HS3ST4: variants seen among roughly 807,000 people sequenced by gnomAD.
The protein encoded by HS3ST4 is heparan sulfate-glucosamine 3-sulfotransferase 4.
HS3ST4 carries 17 observed loss-of-function variants against 29.2 expected under a neutral mutation model. The ratio of observed to expected loss-of-function variants is 0.58; its 90% CI spans 0.40 to 0.87. HS3ST4 has a LOEUF of 0.87. Ranked by LOEUF, HS3ST4 falls within the 40% of genes least tolerant of loss-of-function variation. The pLI is 0.00. For missense variants in HS3ST4, 627 were observed against 634.5 expected, an observed-to-expected ratio of 0.99 and a Z score of 0.13; for synonymous variants, 314 against 285.7, an observed-to-expected ratio of 1.10 and a Z score of -1.00.
chr16:25,719,428 A>G (rs1385772526), intron 1 of HS3ST4, among the ~76,000 whole-genome samples: 1 of 152,246 alleles, frequency 6.6e-6, no homozygotes, highest in Non-Finnish European at 1.5e-5. Context: ...CAATTTGAAT[A>G]CTTTTGGCTG....
chr16:25,739,781 C>T (rs1006585591), intron 1 of HS3ST4, among the ~76,000 whole-genome samples: 1 of 152,160 alleles, frequency 6.6e-6, no homozygotes, highest in African/African-American at 2.4e-5. Flanking sequence ...TCCACTTAAG[C>T]TTTCTTTGAG....
chr16:26,082,844 T>C (rs1242907164), intron 1 of HS3ST4, among the ~76,000 whole-genome samples: 1 of 152,202 alleles, frequency 6.6e-6, no homozygotes, highest in Non-Finnish European at 1.5e-5. Flanking sequence ...ACCAAGTGCA[T>C]TGTCCATGTT....
chr16:25,708,853 C>A (rs1966394476), intron 1 of HS3ST4, among the ~76,000 whole-genome samples: 1 of 152,150 alleles, frequency 6.6e-6, no homozygotes, highest in South Asian at 2.1e-4. Flanking sequence ...TCCCATCCTT[C>A]CATTTTTCAT....
At chr16:25,737,129 C>T (rs1365148215) in intron 1 of HS3ST4, among the ~76,000 whole-genome samples, 7 of 152,038 alleles carry the variant, frequency 4.6e-5, no homozygotes, top group Non-Finnish European at 4.4e-5. Flanking sequence ...AAAGAAAATG[C>T]GGTGCATGTG....
chr16:25,836,969 A>G (rs1967362811), intron 1 of HS3ST4, among the ~76,000 whole-genome samples: 1 of 152,204 alleles, frequency 6.6e-6, no homozygotes, highest in Non-Finnish European at 1.5e-5. Flanking sequence ...TCAGAGAGGC[A>G]TTGTTATGTG....
intron 1 of HS3ST4, among the ~76,000 whole-genome samples, chr16:25,880,066 G>A (rs9929100): frequency 0.27 from 41,570 of 151,990 alleles, 5,988 homozygotes; most frequent in African/African-American, 0.33. Context: ...GGATGGGGAC[G>A]CAGCCAAACC....
At chr16:25,712,452 T>C (rs1168512261) in intron 1 of HS3ST4, among the ~76,000 whole-genome samples, 4 of 152,030 alleles carry the variant, frequency 2.6e-5, no homozygotes, top group Non-Finnish European at 5.9e-5. Context: ...GCCCGGGAAT[T>C]GGTGGCTGCA....
Position 26,136,299 on chromosome 16 carries a change from C to A in HS3ST4, c.*51C>A. 2 of 1,520,180 alleles carry A rather than the reference C, an allele frequency of 1.3e-6. No individual in the cohort carries two copies. The highest frequency in any genetic ancestry group is 8.8e-7 in the Non-Finnish European group (1 of 1,133,952). The allele number at this position is 1,520,180 out of a possible 1,614,324, so 94.2% of individuals were successfully genotyped here. A position where few individuals can be genotyped will look rare whatever the true frequency, so the allele number is the denominator to read the frequency against. On this transcript the variant is annotated 3_prime_UTR_variant, in exon 2 of 2. Transcript: ENST00000331351. ...TCAATAAGCTAAGGAGGCTCCTTGCCTGAGTCCTTGAATACCCCAGCTTCT... is the reference window on the plus strand; with the variant it reads ...TCAATAAGCTAAGGAGGCTCCTTGCATGAGTCCTTGAATACCCCAGCTTCT...
At chr16:25,850,142 G>A (rs1967503527) in intron 1 of HS3ST4, among the ~76,000 whole-genome samples, 1 of 151,884 alleles carries the variant, frequency 6.6e-6, no homozygotes, top group Non-Finnish European at 1.5e-5. Flanking sequence ...TGGGATTACA[G>A]GCATGCACCA....
intron 1 of HS3ST4, among the ~76,000 whole-genome samples, chr16:25,828,309 T>TTTCC (rs1183012834): frequency 1.3e-4 from 14 of 106,380 alleles, no homozygotes; most frequent in African/African-American, 4.3e-4. Flanking sequence ...TCCCTCTCTC[T>TTTCC]CTCTCTCTCT....
At chr16:25,761,966 A>T (rs1334855788) in intron 1 of HS3ST4, among the ~76,000 whole-genome samples, 1 of 152,166 alleles carries the variant, frequency 6.6e-6, no homozygotes, top group Non-Finnish European at 1.5e-5. Context: ...TTCCCCCGAA[A>T]TTCATAGTTT....
At chr16:25,734,070 T>C (rs1966589843) in intron 1 of HS3ST4, among the ~76,000 whole-genome samples, 1 of 152,154 alleles carries the variant, frequency 6.6e-6, no homozygotes, top group Admixed American at 6.5e-5. Flanking sequence ...TGAGCCGAGA[T>C]TGCGCCATTG....
intron 1 of HS3ST4, among the ~76,000 whole-genome samples, chr16:26,049,500 G>GTGTA (rs1312999358): frequency 6.7e-6 from 1 of 150,098 alleles, no homozygotes; most frequent in Admixed American, 6.6e-5. Context: ...GTGTGTATGT[G>GTGTA]TGTGTCCTTG....
chr16:25,713,775 A>T (rs1300211515), intron 1 of HS3ST4, among the ~76,000 whole-genome samples: 1 of 152,150 alleles, frequency 6.6e-6, no homozygotes, highest in Non-Finnish European at 1.5e-5. Context: ...AGACATGCCC[A>T]CCTCAGAGAG....
At chr16:26,119,571 G>A (rs551688055) in intron 1 of HS3ST4, among the ~76,000 whole-genome samples, 8 of 152,248 alleles carry the variant, frequency 5.3e-5, no homozygotes, top group African/African-American at 1.9e-4. Context: ...GGCTGCTGGG[G>A]GAGGGAGGGG....
chr16:25,825,139 C>G (rs1967202460), intron 1 of HS3ST4, among the ~76,000 whole-genome samples: 1 of 152,150 alleles, frequency 6.6e-6, no homozygotes, highest in Admixed American at 6.5e-5. Context: ...CATGTGACAA[C>G]AGAAGCCGAG....
intron 1 of HS3ST4, among the ~76,000 whole-genome samples, chr16:26,092,980 C>T (rs1376213025): frequency 6.6e-6 from 1 of 152,332 alleles, no homozygotes; most frequent in African/African-American, 2.4e-5. Flanking sequence ...CAGAGCCTTG[C>T]TCACTGCTAG....
In HS3ST4 at chr16:26,027,063, G is replaced by A. The variant is rs1161038159; in HGVS notation, c.735-108549G>A. On this transcript the variant is annotated intron_variant, in intron 1 of 1. Coordinates refer to ENST00000331351, the MANE Select transcript of HS3ST4 (RefSeq NM_006040.3). Reference sequence around the variant, plus strand: ...CCCCTGCTTATAAATATCTACTGCCGAAGTCCCAACTGCAGACCTTTGGAC... The same window carrying A: ...CCCCTGCTTATAAATATCTACTGCCAAAGTCCCAACTGCAGACCTTTGGAC... 7.9e-5 allele frequency among the ~76,000 whole-genome samples: 12 copies of A among 152,098 alleles called. No individual in the cohort carries two copies. In the East Asian group the frequency reaches 1.2e-3, roughly 15 times the overall value.
At chr16:25,969,483 C>T (rs1404518469) in intron 1 of HS3ST4, among the ~76,000 whole-genome samples, 2 of 152,164 alleles carry the variant, frequency 1.3e-5, no homozygotes, top group Non-Finnish European at 2.9e-5. Flanking sequence ...CTGAAGTGTG[C>T]GTATAAAAGT....
Sources: gnomAD v4.1 joint callset for allele counts (sites outside exome capture counted in the v4.1 genomes callset) on GRCh38, gnomAD v4.1.1 for gene constraint, MANE v1.5 for transcripts, NCBI Gene and HGNC (gene_info 2026-07-23, HGNC 2026-07-21) for gene names.